The following ABCB1 variants were observed in gnomAD, a reference collection of about 807,000 sequenced individuals.
The protein encoded by ABCB1 is ATP binding cassette subfamily B member 1, also known as ATP-dependent translocase ABCB1.
A neutral mutation model predicts 142.0 loss-of-function variants in ABCB1; 69 were observed. The observed-to-expected ratio is 0.49, with a 90% CI of 0.40 to 0.59. The LOEUF (loss-of-function observed/expected upper bound fraction) is 0.59, where lower values mean the gene tolerates loss of function less well. ABCB1 is among the 20% of genes least tolerant of loss of function. The pLI is 0.00. For synonymous variants in ABCB1, 532 were observed against 539.2 expected, an observed-to-expected ratio of 0.99 and a Z score of 0.18; for missense variants, 1,326 against 1,554.7, an observed-to-expected ratio of 0.85 and a Z score of 2.47.
At chr7:87,610,401 T>A (rs879781468) in intron 1 of ABCB1, among the ~76,000 whole-genome samples, 4,504 of 138,914 alleles carry the variant, frequency 0.032, 112 homozygotes, top group Middle Eastern at 0.049. Flanking sequence ...CTGGCCTTTT[T>A]TTTTTTTTTT....
At chr7:87,684,702 C>G (rs943691637) in intron 1 of ABCB1, among the ~76,000 whole-genome samples, 2 of 128,504 alleles carry the variant, frequency 1.6e-5, no homozygotes, top group Non-Finnish European at 3.1e-5. Context: ...GAGTCGAGAT[C>G]GTGCCACTGC....
At chr7:87,709,488 T>C in intron 1 of ABCB1, 1 of 985,424 alleles carries the variant, frequency 1.0e-6, no homozygotes, top group East Asian at 1.1e-4. Context: ...CAGGGCAAGC[T>C]AAAAGGGATG....
Position 87,519,458 on chromosome 7 carries a change from A to G in ABCB1, c.2795T>C (p.Leu932Ser), listed in dbSNP as rs749050513. ...AATTCCAAAGATGTGTGCTTTCCTC[A>G]AAGAGTTTCTGAAAAGAAGACATTT... The part of the protein sequence containing the change: ...QSLQVPYRNS[L>S]RKAHIFGITF... Residue 932 changes from leucine to serine, a missense_variant, in exon 23 of 28, where the codon TTG becomes TCG. Coordinates refer to ENST00000622132, the MANE Select transcript of ABCB1 (RefSeq NM_001348946.2). 3 of 1,614,070 alleles carry G rather than the reference A, an allele frequency of 1.9e-6. No individual in the cohort carries two copies. The highest frequency in any genetic ancestry group is 2.5e-6 in the Non-Finnish European group (3 of 1,179,954).
At chr7:87,570,410 C>A (rs1022744708) in intron 4 of ABCB1, among the ~76,000 whole-genome samples, 187 bp from the exon 5 acceptor site, 1 of 152,152 alleles carries the variant, frequency 6.6e-6, no homozygotes, top group Non-Finnish European at 1.5e-5. Context: ...CTGTGTGCAA[C>A]CACATATACA....
intron 1 of ABCB1, among the ~76,000 whole-genome samples, chr7:87,697,400 C>T (rs1828585474): frequency 6.6e-6 from 1 of 152,152 alleles, no homozygotes. Flanking sequence ...GCAGCTGTAG[C>T]TCTCATTTTG....
At chr7:87,579,596 T>A (rs1373859467) in intron 4 of ABCB1, among the ~76,000 whole-genome samples, 3 of 152,232 alleles carry the variant, frequency 2.0e-5, no homozygotes, top group Non-Finnish European at 4.4e-5. Flanking sequence ...GTGTTTTTTT[T>A]AATCCATTCA....
chr7:87,626,518 G>A (rs1169749460), intron 1 of ABCB1, among the ~76,000 whole-genome samples: 1 of 14,334 alleles, frequency 7.0e-5, no homozygotes, highest in African/African-American at 7.9e-4. Context: ...TCATATATAT[G>A]TGTCATATAT....
At chr7:87,694,419 T>C (rs1285214864) in intron 1 of ABCB1, among the ~76,000 whole-genome samples, 12 of 152,228 alleles carry the variant, frequency 7.9e-5, no homozygotes, top group Admixed American at 7.9e-4. Flanking sequence ...GTTTCTGCTA[T>C]ATGCAAAACA....
intron 1 of ABCB1, among the ~76,000 whole-genome samples, chr7:87,683,921 A>G (rs889494279): frequency 6.6e-6 from 1 of 152,238 alleles, no homozygotes; most frequent in Non-Finnish European, 1.5e-5. Flanking sequence ...AGTACACCTC[A>G]TGGACACAGA....
intron 1 of ABCB1, among the ~76,000 whole-genome samples, chr7:87,639,099 A>G (rs1584968855): frequency 6.6e-6 from 1 of 151,164 alleles, no homozygotes; most frequent in East Asian, 1.9e-4. Flanking sequence ...TTGCAGTGAG[A>G]AGAGACGGCA....
At chr7:87,531,159 G>A in intron 21 of ABCB1, 135 bp downstream of exon 21, 2 of 792,838 alleles carry the variant, frequency 2.5e-6, no homozygotes, top group South Asian at 1.6e-5. Flanking sequence ...TACTGAATAA[G>A]CATGAAAAAG....
At chr7:87,607,116 T>C (rs1385259041) in intron 1 of ABCB1, among the ~76,000 whole-genome samples, 1 of 152,152 alleles carries the variant, frequency 6.6e-6, no homozygotes, top group Non-Finnish European at 1.5e-5. Flanking sequence ...AGAAAATACA[T>C]GGGAGGCTGA....
intron 8 of ABCB1, among the ~76,000 whole-genome samples, chr7:87,555,568 G>A (rs1442824418): frequency 2.6e-5 from 4 of 152,058 alleles, no homozygotes; most frequent in Non-Finnish European, 4.4e-5. Flanking sequence ...CATCACTACC[G>A]TGTTCACTAA....
At chr7:87,536,426 AAG>A (rs1339316182) in intron 20 of ABCB1, 30 bp downstream of exon 20, 13 of 1,610,694 alleles carry the variant, frequency 8.1e-6, no homozygotes, top group African/African-American at 4.0e-5. Context: ...ATGGCCAATT[AAG>A]ACAAACACCA....
chr7:87,548,134 G>A (rs1461057496), intron 14 of ABCB1, among the ~76,000 whole-genome samples: 2 of 93,980 alleles, frequency 2.1e-5, no homozygotes, highest in Non-Finnish European at 4.5e-5. Context: ...GGGAAGGGGA[G>A]GGAAGGGAAG....
At chr7:87,530,705 C>G (rs957757040) in intron 21 of ABCB1, among the ~76,000 whole-genome samples, 2 of 151,618 alleles carry the variant, frequency 1.3e-5, no homozygotes, top group Non-Finnish European at 2.9e-5. Flanking sequence ...AGCATTTTTC[C>G]ATATTTAATC....
At chr7:87,710,440 A>T in intron 1 of ABCB1, 1 of 602,588 alleles carries the variant, frequency 1.7e-6, no homozygotes, top group Non-Finnish European at 2.9e-6. Context: ...CTACTTAAAC[A>T]TTTTTCTTAG....
At chr7:87,618,840 G>A (rs1485411280) in intron 1 of ABCB1, among the ~76,000 whole-genome samples, 1 of 152,120 alleles carries the variant, frequency 6.6e-6, no homozygotes, top group Non-Finnish European at 1.5e-5. Context: ...TTTGATAGAT[G>A]GAGGAAGCCA....
chr7:87,610,510 A>C (rs1386372330), intron 1 of ABCB1, among the ~76,000 whole-genome samples: 2 of 150,590 alleles, frequency 1.3e-5, no homozygotes, highest in Non-Finnish European at 3.0e-5. Flanking sequence ...CAGGCTCCCA[A>C]AATGCTGAGA....
Sources: allele counts gnomAD v4.1 joint callset (sites outside exome capture counted in the v4.1 genomes callset), GRCh38; gene constraint gnomAD v4.1.1; transcripts MANE v1.5; gene names NCBI Gene and HGNC (gene_info 2026-07-23, HGNC 2026-07-21).